The following ADAMTS2 variants were observed in gnomAD, a reference collection of about 807,000 sequenced individuals.
ADAMTS2 encodes the protein ADAM metallopeptidase with thrombospondin type 1 motif 2.
ADAMTS2 carries 50 observed loss-of-function variants against 123.0 expected under a neutral mutation model. That is an observed-to-expected ratio of 0.41 (90% CI 0.32 to 0.51). The LOEUF is 0.51. Ranked by LOEUF, ADAMTS2 falls within the 20% of genes least tolerant of loss-of-function variation. ADAMTS2 has a pLI of 0.35. For missense variants in ADAMTS2, 1,494 were observed against 1,705.2 expected (o/e 0.88, Z 2.18); for synonymous variants, 678 against 695.4 (o/e 0.98, Z 0.39).
In ADAMTS2 at chr5:179,245,745, G is replaced by A. The variant is rs537146789; in HGVS notation, c.688+27166C>T. 2.6e-4 allele frequency among the ~76,000 whole-genome samples: 26 copies of A among 98,182 alleles called. 1 individual carries two copies. Among genetic ancestry groups the A allele is most frequent in the African/African-American group, 9.8e-4 (23 of 23,448 alleles). The allele number at this position is 98,182 out of a possible 152,430, so 64.4% of individuals were successfully genotyped here. A position where few individuals can be genotyped will look rare whatever the true frequency, so the allele number is the denominator to read the frequency against. ...CGCGCCACTGCACTCCAGCCTGGGCGACAGAGCGAGACTCCGTCTCAAAAA... is the reference window on the plus strand; with the variant it reads ...CGCGCCACTGCACTCCAGCCTGGGCAACAGAGCGAGACTCCGTCTCAAAAA... On this transcript the variant is annotated intron_variant, in intron 3 of 21. Transcript: ENST00000251582.
chr5:179,154,021 G>T, intron 8 of ADAMTS2, 28 bp downstream of exon 8: 1 of 1,584,612 alleles, frequency 6.3e-7, no homozygotes. Context: ...CTGAGGGGTC[G>T]CCCACGGGGC....
chr5:179,190,697 A>G (rs111613983), intron 4 of ADAMTS2, among the ~76,000 whole-genome samples: 1,543 of 152,356 alleles, frequency 0.01, 26 homozygotes, highest in African/African-American at 0.035. Context: ...GACATGCGTG[A>G]CAAAAGTGAA....
intron 4 of ADAMTS2, among the ~76,000 whole-genome samples, chr5:179,190,276 A>C (rs1764276152): frequency 6.6e-6 from 1 of 152,172 alleles, no homozygotes; most frequent in Admixed American, 6.5e-5. Context: ...TTCGAGCAGG[A>C]TTAGGGGCAG....
intron 2 of ADAMTS2, among the ~76,000 whole-genome samples, chr5:179,292,240 T>C (rs931064701): frequency 2.6e-5 from 4 of 151,304 alleles, no homozygotes; most frequent in Non-Finnish European, 4.4e-5. Context: ...ACTAAATACA[T>C]GGGGCTGGGG....
chr5:179,229,419 TGCCCACTCCC>T (rs1303907522), intron 3 of ADAMTS2, among the ~76,000 whole-genome samples: 2 of 68,296 alleles, frequency 2.9e-5, no homozygotes, highest in East Asian at 8.1e-4. Flanking sequence ...GAGACCCCGC[TGCCCACTCCC>T]GACGGAGAGG....
chr5:179,271,327 G>A (rs1483557016), intron 3 of ADAMTS2, among the ~76,000 whole-genome samples: 1 of 152,176 alleles, frequency 6.6e-6, no homozygotes, highest in Non-Finnish European at 1.5e-5. Flanking sequence ...CACCTCGCCT[G>A]AGCAGAGGCC....
intron 7 of ADAMTS2, among the ~76,000 whole-genome samples, chr5:179,154,433 TG>T (rs752526807): frequency 4.6e-5 from 7 of 152,178 alleles, no homozygotes; most frequent in Non-Finnish European, 8.8e-5. Context: ...CATGCACACC[TG>T]GGGGGGACCG....
rs1765472737 is a variant in ADAMTS2 at position 179,234,056 on chromosome 5, C to T, written c.689-26341G>A. ...TGTCCAGGACCCCGACTGCCAGGCC[C>T]TTCCACAGCCCGACTCCCCGTGGAC... On this transcript the variant is annotated intron_variant, in intron 3 of 21. Coordinates refer to ENST00000251582, the MANE Select transcript of ADAMTS2 (RefSeq NM_014244.5). This position sits in a 1 kb window ranked among gnomAD's most constrained non-coding sequence, Gnocchi z 4.7. Among the ~76,000 whole-genome samples the T allele has an allele frequency of 6.6e-6, 1 of 152,180 alleles. No individual in the cohort carries two copies. Among genetic ancestry groups the T allele is most frequent in the Non-Finnish European group, 1.5e-5 (1 of 68,020 alleles).
Position 179,188,057 on chromosome 5 carries a change from G to A in ADAMTS2, c.892-6902C>T, listed in dbSNP as rs111300977. Among the ~76,000 whole-genome samples, 24 of 152,170 alleles carry A rather than the reference G, an allele frequency of 1.6e-4. No individual in the cohort carries two copies. The highest frequency in any genetic ancestry group is 5.1e-4 in the African/African-American group (21 of 41,538). ...GGAGGGGTGCAGAAAGGGGGGAACCGGTGCAGGCTCCCTACTGGGGAGGCC... is the reference window on the plus strand; with the variant it reads ...GGAGGGGTGCAGAAAGGGGGGAACCAGTGCAGGCTCCCTACTGGGGAGGCC... On this transcript the variant is annotated intron_variant, in intron 4 of 21. Transcript: ENST00000251582. The surrounding 1 kb of genome is among the most constrained non-coding windows in gnomAD (Gnocchi z 5.1).
intron 2 of ADAMTS2, among the ~76,000 whole-genome samples, chr5:179,338,716 G>A (rs1208165700): frequency 3.9e-5 from 6 of 152,234 alleles, no homozygotes; most frequent in African/African-American, 1.4e-4. Context: ...ACCACTGAGA[G>A]GTCTTAAGTG....
At chr5:179,156,035 A>G (rs191803692) in intron 6 of ADAMTS2, among the ~76,000 whole-genome samples, 155 of 152,246 alleles carry the variant, frequency 1.0e-3, no homozygotes, top group Middle Eastern at 3.4e-3. Flanking sequence ...ACGAGCGTGG[A>G]GTCTGTGTGC....
chr5:179,163,545 C>T (rs948295993), intron 5 of ADAMTS2, among the ~76,000 whole-genome samples: 1 of 152,162 alleles, frequency 6.6e-6, no homozygotes, highest in African/African-American at 2.4e-5. Flanking sequence ...GCATCCTCCC[C>T]GTCACCACTT....
rs1345715508 is a variant in ADAMTS2 at position 179,234,222 on chromosome 5, AG to A, written c.689-26508del. Among the ~76,000 whole-genome samples the A allele has an allele frequency of 6.6e-6, 1 of 152,102 alleles. No individual in the cohort carries two copies. The highest frequency in any genetic ancestry group is 1.5e-5 in the Non-Finnish European group (1 of 68,006). ...ATGCCAGAGATATCACCAGCCCTCGAGGCTTAACCCCTGCTCTGTGGGGGAT... is the reference window on the plus strand; with the variant it reads ...ATGCCAGAGATATCACCAGCCCTCGAGCTTAACCCCTGCTCTGTGGGGGAT... On this transcript the variant is annotated intron_variant, in intron 3 of 21. Transcript: ENST00000251582. The surrounding 1 kb of genome is among the most constrained non-coding windows in gnomAD (Gnocchi z 4.7).
intron 4 of ADAMTS2, among the ~76,000 whole-genome samples, chr5:179,198,050 T>C (rs1764469372): frequency 6.6e-6 from 1 of 152,182 alleles, no homozygotes. Flanking sequence ...CAATGTCACC[T>C]GTGTCCCAGC....
In ADAMTS2 at chr5:179,125,135, C is replaced by A; in HGVS notation, c.2796G>T (p.Arg932=). The change falls in exon 19 of 22, where the codon CGG becomes CGT. Residue 932 remains arginine, a synonymous_variant. Transcript: ENST00000251582. ...GCACGGAGCGCACCTGCATGCCTGTCCGCCCACAGGTCTGGCTACATGGCT... is the reference window on the plus strand; with the variant it reads ...GCACGGAGCGCACCTGCATGCCTGTACGCCCACAGGTCTGGCTACATGGCT... ...EWEPCSQTCG[R]TGMQVRSVRC... is the part of the protein sequence containing the mutation. 1 of 1,613,010 alleles carries A rather than the reference C, an allele frequency of 6.2e-7. No individual in the cohort carries two copies. The highest frequency in any genetic ancestry group is 8.5e-7 in the Non-Finnish European group (1 of 1,179,904).
At chr5:179,222,138 G>A (rs1193802188) in intron 3 of ADAMTS2, among the ~76,000 whole-genome samples, 1 of 152,152 alleles carries the variant, frequency 6.6e-6, no homozygotes, top group African/African-American at 2.4e-5. Flanking sequence ...AGAAGCCTGA[G>A]TTTGGGGGTG....
At position 179,279,377 on chromosome 5, in the gene ADAMTS2, C is replaced by G. The variant is rs926880796; in HGVS notation, c.535-6313G>C. ...CACCTTGCCAAGAGTCCCCCAGATGCTGGCATCTGCTAAGATTCCCATTCC... is the reference window on the plus strand; with the variant it reads ...CACCTTGCCAAGAGTCCCCCAGATGGTGGCATCTGCTAAGATTCCCATTCC... On this transcript the variant is annotated intron_variant, in intron 2 of 21. Coordinates refer to ENST00000251582, the MANE Select transcript of ADAMTS2 (RefSeq NM_014244.5). Among the ~76,000 whole-genome samples, 10 of 152,240 alleles carry G rather than the reference C, an allele frequency of 6.6e-5. 1 individual carries two copies. The highest frequency in any genetic ancestry group is 6.5e-4 in the Admixed American group (10 of 15,284).
In ADAMTS2 at chr5:179,139,982, G is replaced by T. The variant is rs368700721; in HGVS notation, c.1683C>A (p.Asp561Glu). Residue 561 changes from aspartate (D) to glutamate (E), a missense_variant, in exon 11 of 22, where the codon GAC becomes GAA. Around this residue, in one of 6 missense-constraint regions of ADAMTS2, gnomAD observed 953 missense variants for 1,124.7 expected, o/e 0.85. Transcript: ENST00000251582. ...ACGGACTCCAAGCGCCCCAGCTGCC[G>T]TCCCGTTTGAGGATGTCAGGTGTCA... ...IWLTPDILKR[D>E]GSWGAWSPFG... The T allele has an allele frequency of 6.2e-7, 1 of 1,614,102 alleles. No individual in the cohort carries two copies. The highest frequency in any genetic ancestry group is 1.7e-4 in the Middle Eastern group (1 of 6,038).
At chr5:179,169,006 C>G (rs1394734593) in intron 5 of ADAMTS2, among the ~76,000 whole-genome samples, 1 of 152,224 alleles carries the variant, frequency 6.6e-6, no homozygotes, top group African/African-American at 2.4e-5. Context: ...ACAGGATTCT[C>G]AACTTGAGCC....
Sources: allele counts gnomAD v4.1 joint callset (sites outside exome capture counted in the v4.1 genomes callset), GRCh38; gene constraint gnomAD v4.1.1; regional missense constraint gnomAD v4.1.1; non-coding constraint Gnocchi (gnomAD v3.1); transcripts MANE v1.5; gene names NCBI Gene and HGNC (gene_info 2026-07-23, HGNC 2026-07-21).